SLC36A2: variants seen among roughly 807,000 people sequenced by gnomAD.
SLC36A2 encodes proton-coupled amino acid transporter 2.
A neutral mutation model predicts 42.7 loss-of-function variants in SLC36A2; 39 were observed. The ratio of observed to expected loss-of-function variants is 0.91; its 90% confidence interval spans 0.71 to 1.19. The LOEUF (loss-of-function observed/expected upper bound fraction) is 1.19, where lower values mean the gene tolerates loss of function less well. Ranked by LOEUF, SLC36A2 falls within the 50% of genes most tolerant of loss-of-function variation. SLC36A2 has a pLI of 0.00. For synonymous variants in SLC36A2, 237 were observed against 240.8 expected, an observed-to-expected ratio of 0.98 and a Z score of 0.15; for missense variants, 590 against 613.7, an observed-to-expected ratio of 0.96 and a Z score of 0.41.
At chr5:151,340,037 G>A (rs1756275581) in intron 4 of SLC36A2, among the ~76,000 whole-genome samples, 1 of 152,016 alleles carries the variant, frequency 6.6e-6, no homozygotes, top group African/African-American at 2.4e-5. Flanking sequence ...AGAGTTGTGG[G>A]GAGGAAGAGG....
chr5:151,333,534 G>A (rs550666437), intron 6 of SLC36A2, among the ~76,000 whole-genome samples: 1 of 147,984 alleles, frequency 6.8e-6, no homozygotes, highest in South Asian at 2.1e-4. Context: ...AAGTACTGAA[G>A]GAATAGTATT....
chr5:151,319,052 C>T, intron 9 of SLC36A2: 1 of 606,910 alleles, frequency 1.6e-6, no homozygotes, highest in Non-Finnish European at 2.1e-6. Flanking sequence ...CCTTCCTCAG[C>T]TTGTTTCCTC....
chr5:151,340,669 T>C (rs1231924207), intron 4 of SLC36A2, among the ~76,000 whole-genome samples: 1 of 152,180 alleles, frequency 6.6e-6, no homozygotes, highest in African/African-American at 2.4e-5. Context: ...AATGGTCAAT[T>C]ATACACATTA....
intron 8 of SLC36A2, among the ~76,000 whole-genome samples, chr5:151,324,990 C>T (rs926634112): frequency 6.6e-6 from 1 of 152,182 alleles, no homozygotes; most frequent in Admixed American, 6.5e-5. Flanking sequence ...TGCCATCTCC[C>T]AGTGCCCTTC....
At chr5:151,333,374 C>T (rs776012296) in intron 6 of SLC36A2, 52 bp from the exon 7 acceptor site, 75 of 1,468,470 alleles carry the variant, frequency 5.1e-5, no homozygotes, top group Non-Finnish European at 6.5e-5. Flanking sequence ...CACATTTGAG[C>T]TCCTTTAAGA....
rs764249292 is a variant in SLC36A2, at chr5:151,317,108, G to A, written c.1181-20C>T. The A allele has an allele frequency of 2.5e-6, 4 of 1,612,844 alleles. No individual in the cohort carries two copies. Among genetic ancestry groups the A allele is most frequent in the Non-Finnish European group, 3.4e-6 (4 of 1,179,600 alleles). ...GGAGGCCTGCAGGGAGAGGATAGTG[G>A]AGAGATGGAGCATTCCAGGCTTAGC... On this transcript the variant is annotated intron_variant, in intron 9 of 9. Coordinates refer to ENST00000335244, the MANE Select transcript of SLC36A2 (RefSeq NM_181776.3).
intron 7 of SLC36A2, among the ~76,000 whole-genome samples, chr5:151,325,742 T>C (rs1308759716): frequency 6.6e-6 from 1 of 152,192 alleles, no homozygotes; most frequent in Non-Finnish European, 1.5e-5. Context: ...CGGATGGATC[T>C]TGAGGACATT....
At chr5:151,320,322 G>A (rs994720664) in intron 9 of SLC36A2, among the ~76,000 whole-genome samples, 1 of 151,584 alleles carries the variant, frequency 6.6e-6, no homozygotes, top group Non-Finnish European at 1.5e-5. Flanking sequence ...ATTACTAGAT[G>A]GTAGAATTCA....
chr5:151,322,277 G>C, intron 8 of SLC36A2, 62 bp from the exon 9 acceptor site: 1 of 1,583,770 alleles, frequency 6.3e-7, no homozygotes, highest in Non-Finnish European at 8.6e-7. Context: ...GGCCTCCTTG[G>C]AACATTAACC....
chr5:151,343,047 A>C (rs1561662462), intron 3 of SLC36A2, 64 bp from the exon 4 acceptor site: 1 of 1,317,948 alleles, frequency 7.6e-7, no homozygotes, highest in Non-Finnish European at 1.1e-6. Flanking sequence ...CATGGTCAAA[A>C]GTCAGGAGAC....
intron 4 of SLC36A2, among the ~76,000 whole-genome samples, chr5:151,341,290 C>A (rs1756337598): frequency 6.6e-6 from 1 of 152,202 alleles, no homozygotes; most frequent in Non-Finnish European, 1.5e-5. Flanking sequence ...TGGGAAAATT[C>A]TGGTCATTAT....
intron 8 of SLC36A2, 119 bp downstream of exon 8, chr5:151,325,167 G>C: frequency 8.2e-7 from 1 of 1,212,476 alleles, no homozygotes. Flanking sequence ...TGACAATTCT[G>C]CTTCTTCTGT....
At chr5:151,324,642 T>G (rs956437572) in intron 8 of SLC36A2, among the ~76,000 whole-genome samples, 1 of 152,026 alleles carries the variant, frequency 6.6e-6, no homozygotes, top group East Asian at 1.9e-4. Flanking sequence ...TGTTTGTTTG[T>G]TTTTAAGAGA....
At chr5:151,343,103 G>T in intron 3 of SLC36A2, 120 bp from the exon 4 acceptor site, 1 of 809,864 alleles carries the variant, frequency 1.2e-6, no homozygotes. Flanking sequence ...GAACACAGGG[G>T]CAGAGACCTC....
intron 4 of SLC36A2, among the ~76,000 whole-genome samples, chr5:151,340,201 G>GAGGAGGAA (rs1756295239): frequency 7.3e-6 from 1 of 136,078 alleles, no homozygotes; most frequent in Non-Finnish European, 1.5e-5. Flanking sequence ...TGGAGGAGGA[G>GAGGAGGAA]GAGAGGAGGA....
chr5:151,326,570 T>G (rs1476316280), intron 7 of SLC36A2, among the ~76,000 whole-genome samples: 1 of 152,190 alleles, frequency 6.6e-6, no homozygotes, highest in Non-Finnish European at 1.5e-5. Flanking sequence ...CATACCTGGT[T>G]CTAAGAGAAT....
At chr5:151,344,113 G>T in intron 2 of SLC36A2, 64 bp downstream of exon 2, 2 of 1,474,960 alleles carry the variant, frequency 1.4e-6, no homozygotes, top group Non-Finnish European at 1.9e-6. Context: ...AACCGCTAGA[G>T]CCTCTCCTCT....
Position 151,315,215 on chromosome 5 carries a change from C to T in SLC36A2, c.*1602G>A, listed in dbSNP as rs1407020428. On this transcript the variant is annotated 3_prime_UTR_variant, in exon 10 of 10. Transcript: ENST00000335244. Reference sequence around the variant, plus strand: ...CCCAGGATGCTTTACTTGGTGGTCTCAACTCCATAGAGCAGCAAGTGATGT... The same window carrying T: ...CCCAGGATGCTTTACTTGGTGGTCTTAACTCCATAGAGCAGCAAGTGATGT... The T allele has an allele frequency of 6.6e-6, 1 of 152,578 alleles. No homozygotes were observed. The highest frequency in any genetic ancestry group is 1.5e-5 in the Non-Finnish European group (1 of 68,042). 9.5% of individuals were successfully genotyped at this position (152,578 alleles called of 1,614,324 possible). A position where few individuals can be genotyped will look rare whatever the true frequency, so the allele number is the denominator to read the frequency against.
At chr5:151,327,201 A>G (rs201474810) in intron 7 of SLC36A2, among the ~76,000 whole-genome samples, 1 of 152,116 alleles carries the variant, frequency 6.6e-6, no homozygotes, top group African/African-American at 2.4e-5. Context: ...GTTATTTTTT[A>G]ATACTGTGAA....
Sources: gnomAD v4.1 joint callset for allele counts (sites outside exome capture counted in the v4.1 genomes callset) on GRCh38, gnomAD v4.1.1 for gene constraint, MANE v1.5 for transcripts, NCBI Gene and HGNC (gene_info 2026-07-23, HGNC 2026-07-21) for gene names.